CDH12: variants seen among roughly 807,000 people sequenced by gnomAD.
CDH12 encodes cadherin 12, also known as cadherin-12.
In CDH12, 41 loss-of-function variants were observed where a neutral mutation model predicts 74.1. The observed-to-expected ratio is 0.55, with a 90% CI of 0.43 to 0.72. The LOEUF (loss-of-function observed/expected upper bound fraction) is 0.72. CDH12 is among the 30% of genes least tolerant of loss of function. The pLI, the probability that CDH12 is intolerant of heterozygous loss-of-function variation, is 0.00. For synonymous variants in CDH12, 399 were observed against 355.0 expected (o/e 1.12, Z -1.39); for missense variants, 945 against 977.2 (o/e 0.97, Z 0.44).
At chr5:22,508,194 G>T (rs185201408) in intron 1 of CDH12, among the ~76,000 whole-genome samples, 24 of 152,216 alleles carry the variant, frequency 1.6e-4, no homozygotes, top group African/African-American at 5.5e-4. Context: ...TCATTTTCCA[G>T]CCTACCATAG....
chr5:21,956,804 A>G (rs1756120345), intron 6 of CDH12, among the ~76,000 whole-genome samples: 1 of 152,140 alleles, frequency 6.6e-6, no homozygotes, highest in South Asian at 2.1e-4. Context: ...TTATTAAATA[A>G]AGATTATTTC....
chr5:22,747,627 G>A lies in CDH12; in HGVS notation c.-523+105431C>T, dbSNP rs1180965113. On this transcript the variant is annotated intron_variant, in intron 1 of 14. Coordinates refer to ENST00000382254, the MANE Select transcript of CDH12 (RefSeq NM_004061.5). ...GCTGCCAAAAAAAAAAAAAAAAAGAGAAGAAAAGAAAAAAAAGTAGTAAAT... is the reference window on the plus strand; with the variant it reads ...GCTGCCAAAAAAAAAAAAAAAAAGAAAAGAAAAGAAAAAAAAGTAGTAAAT... Among the ~76,000 whole-genome samples, 177 of 139,368 alleles carry A rather than the reference G, an allele frequency of 1.3e-3. 1 individual carries two copies. The highest frequency in any genetic ancestry group is 4.3e-3 in the African/African-American group (163 of 38,322). The allele number at this position is 139,368 out of a possible 152,430, so 91.4% of individuals were successfully genotyped here. A position where few individuals can be genotyped will look rare whatever the true frequency, so the allele number is the denominator to read the frequency against.
chr5:22,190,983 T>C (rs1750239276), intron 4 of CDH12, among the ~76,000 whole-genome samples: 1 of 152,246 alleles, frequency 6.6e-6, no homozygotes, highest in Non-Finnish European at 1.5e-5. Context: ...GTGATATCTT[T>C]CTGAAGTAAT....
intron 5 of CDH12, among the ~76,000 whole-genome samples, chr5:21,992,302 A>C (rs1188601037): frequency 1.3e-5 from 2 of 152,200 alleles, no homozygotes; most frequent in African/African-American, 4.8e-5. Flanking sequence ...TGCTTTTAGC[A>C]AGTATATACT....
At chr5:22,331,819 A>C (rs927428937) in intron 3 of CDH12, among the ~76,000 whole-genome samples, 1 of 152,218 alleles carries the variant, frequency 6.6e-6, no homozygotes, top group Non-Finnish European at 1.5e-5. Context: ...ATGTTGAAAT[A>C]ACCAAAAAAA....
intron 4 of CDH12, among the ~76,000 whole-genome samples, chr5:22,207,001 C>G (rs190560289): frequency 0.017 from 2,626 of 150,698 alleles, 21 homozygotes; most frequent in Middle Eastern, 0.037. Flanking sequence ...ATCACGAGGT[C>G]AGGAGATCCA....
At chr5:22,115,596 A>G (rs949932822) in intron 4 of CDH12, among the ~76,000 whole-genome samples, 6 of 152,156 alleles carry the variant, frequency 3.9e-5, no homozygotes, top group South Asian at 2.1e-4. Context: ...TGGAAATGCA[A>G]TAAGTTTGAT....
chr5:22,264,921 G>A (rs956495070), intron 3 of CDH12, among the ~76,000 whole-genome samples: 5 of 152,168 alleles, frequency 3.3e-5, no homozygotes, highest in South Asian at 2.1e-4. Flanking sequence ...TGTTTATGGC[G>A]AGACATTCTT....
At chr5:22,423,575 G>A (rs1015259858) in intron 2 of CDH12, among the ~76,000 whole-genome samples, 2 of 152,224 alleles carry the variant, frequency 1.3e-5, no homozygotes, top group Non-Finnish European at 2.9e-5. Context: ...GTGTTTGTAC[G>A]CATGTAGGGA....
chr5:22,802,570 C>T (rs565671911), intron 1 of CDH12, among the ~76,000 whole-genome samples: 181 of 152,096 alleles, frequency 1.2e-3, no homozygotes, highest in African/African-American at 4.1e-3. Flanking sequence ...TTTTAAATTG[C>T]GAGGCAGTAT....
At chr5:22,609,234 A>G (rs1737274781) in intron 1 of CDH12, among the ~76,000 whole-genome samples, 1 of 152,170 alleles carries the variant, frequency 6.6e-6, no homozygotes, top group African/African-American at 2.4e-5. Flanking sequence ...AGGCCCTCTC[A>G]ACTACTTGTT....
chr5:22,527,874 C>A (rs1463756763), intron 1 of CDH12, among the ~76,000 whole-genome samples: 3 of 152,112 alleles, frequency 2.0e-5, no homozygotes, highest in African/African-American at 7.2e-5. Flanking sequence ...TTTGAACTCC[C>A]TGAACTGCAA....
At chr5:22,206,251 A>G (rs1404238801) in intron 4 of CDH12, among the ~76,000 whole-genome samples, 3 of 152,168 alleles carry the variant, frequency 2.0e-5, no homozygotes, top group Non-Finnish European at 4.4e-5. Context: ...GCAGGTTGTC[A>G]GAAATGCAGA....
At chr5:22,572,971 G>T (rs1739611599) in intron 1 of CDH12, among the ~76,000 whole-genome samples, 2 of 152,112 alleles carry the variant, frequency 1.3e-5, no homozygotes, top group African/African-American at 4.8e-5. Context: ...TTGGGAAACT[G>T]AAATGCTTTG....
intron 3 of CDH12, among the ~76,000 whole-genome samples, chr5:22,242,178 C>T (rs531743811): frequency 4.4e-4 from 67 of 152,058 alleles, no homozygotes; most frequent in Non-Finnish European, 9.1e-4. Flanking sequence ...AAATATTAAT[C>T]AGGAAAAATG....
At chr5:22,088,477 G>T (rs184386465) in intron 4 of CDH12, among the ~76,000 whole-genome samples, 2 of 152,154 alleles carry the variant, frequency 1.3e-5, no homozygotes, top group East Asian at 3.9e-4. Flanking sequence ...GAAGACTAAG[G>T]ACTACAATCC....
chr5:21,754,343 G>C (rs952266944), intron 14 of CDH12, among the ~76,000 whole-genome samples: 1 of 152,128 alleles, frequency 6.6e-6, no homozygotes, highest in Admixed American at 6.6e-5. Context: ...AGAGAAGAGA[G>C]GCATATGAGA....
At chr5:22,631,785 G>C (rs1738598468) in intron 1 of CDH12, among the ~76,000 whole-genome samples, 1 of 152,138 alleles carries the variant, frequency 6.6e-6, no homozygotes, top group Non-Finnish European at 1.5e-5. Flanking sequence ...GGCAAAGGTA[G>C]AGCCAGCACT....
rs534822257 is a variant in CDH12, at chr5:22,227,853, G to A, written c.-332-15210C>T. 5.9e-5 allele frequency among the ~76,000 whole-genome samples: 9 copies of A among 152,132 alleles called. No homozygotes were observed. The South Asian group carries it at 1.0e-3, about 18-fold the overall frequency. ...GGAAACAGAGTAATTCCAATGTGGCGACATGGCACACTTGGAAATGTTTTC... is the reference window on the plus strand; with the variant it reads ...GGAAACAGAGTAATTCCAATGTGGCAACATGGCACACTTGGAAATGTTTTC... On this transcript the variant is annotated intron_variant, in intron 3 of 14. Transcript: ENST00000382254.
Sources: gnomAD v4.1 joint callset for allele counts (sites outside exome capture counted in the v4.1 genomes callset) on GRCh38, gnomAD v4.1.1 for gene constraint, MANE v1.5 for transcripts, NCBI Gene and HGNC (gene_info 2026-07-23, HGNC 2026-07-21) for gene names.